The following SLTM variants were observed in gnomAD, a reference collection of about 807,000 sequenced individuals.
SLTM encodes the protein SAFB-like transcription modulator.
A neutral mutation model predicts 134.6 loss-of-function variants in SLTM; 43 were observed. That is an observed-to-expected ratio of 0.32 (90% CI 0.25 to 0.41). The LOEUF (loss-of-function observed/expected upper bound fraction) is 0.41. Ranked by LOEUF, SLTM falls within the 10% of genes least tolerant of loss-of-function variation. SLTM has a pLI of 1.00. For synonymous variants in SLTM, 424 were observed against 432.3 expected, an observed-to-expected ratio of 0.98 and a Z score of 0.24; for missense variants, 1,055 against 1,288.8, an observed-to-expected ratio of 0.82 and a Z score of 2.78.
intron 12 of SLTM, among the ~76,000 whole-genome samples, 177 bp downstream of exon 12, chr15:58,893,644 T>C (rs2034841257): frequency 6.6e-6 from 1 of 152,192 alleles, no homozygotes; most frequent in African/African-American, 2.4e-5. Flanking sequence ...AGAATACATT[T>C]GTTTGTTTCC....
rs147388988 is a variant in SLTM, at chr15:58,921,920, C to T, written c.251-4921G>A. 4.0e-3 allele frequency among the ~76,000 whole-genome samples: 615 copies of T among 152,082 alleles called. 3 individuals carry two copies. The highest frequency in any genetic ancestry group is 0.014 in the South Asian group (69 of 4,810). On this transcript the variant is annotated intron_variant, in intron 2 of 20. Coordinates refer to ENST00000380516, the MANE Select transcript of SLTM (RefSeq NM_024755.4). Reference sequence around the variant, plus strand: ...CCTCACAAGGAGCTGGGATTACAGGCGCATGCCACCACCCCAGCTAATTTT... The same window carrying T: ...CCTCACAAGGAGCTGGGATTACAGGTGCATGCCACCACCCCAGCTAATTTT...
chr15:58,926,942 G>A (rs1299215581), intron 2 of SLTM, among the ~76,000 whole-genome samples: 1 of 152,048 alleles, frequency 6.6e-6, no homozygotes, highest in African/African-American at 2.4e-5. Context: ...GCGATAAAAG[G>A]GCTAATTTTG....
intron 2 of SLTM, among the ~76,000 whole-genome samples, chr15:58,924,914 G>A (rs933776546): frequency 6.6e-6 from 1 of 151,944 alleles, no homozygotes; most frequent in Non-Finnish European, 1.5e-5. Flanking sequence ...CAACCACCTG[G>A]GTCCAAGCAA....
In SLTM at chr15:58,898,840, T is replaced by C. The variant is rs1170817969; in HGVS notation, c.1071A>G (p.Glu357=). 6 of 1,609,710 alleles carry C rather than the reference T, an allele frequency of 3.7e-6. No homozygotes were observed. In the South Asian group the frequency reaches 6.7e-5, roughly 18 times the overall value. ...ASGQAKSSSK[E]SKDSKTSSKD... ...TAGATGATGTCTTGCTGTCTTTAGA[T>C]TCCTTTGAAGAGCTAAAGAGGCAAA... Residue 357 remains glutamate, a synonymous_variant, in exon 8 of 21, where the codon GAA becomes GAG. Coordinates refer to ENST00000380516, the MANE Select transcript of SLTM (RefSeq NM_024755.4).
intron 5 of SLTM, among the ~76,000 whole-genome samples, chr15:58,908,032 T>TGTGTGTGTAC (rs1445615174): frequency 6.6e-6 from 1 of 150,492 alleles, no homozygotes; most frequent in Admixed American, 6.7e-5. Flanking sequence ...TGTGTGTGTG[T>TGTGTGTGTAC]GTGTACATAT....
chr15:58,925,932 C>T (rs758584991), intron 2 of SLTM, among the ~76,000 whole-genome samples: 22 of 152,180 alleles, frequency 1.4e-4, no homozygotes, highest in Non-Finnish European at 2.5e-4. Context: ...AGAAGTTTTC[C>T]GAAAACTGAA....
intron 12 of SLTM, 109 bp downstream of exon 12, chr15:58,893,712 A>C: frequency 1.7e-6 from 2 of 1,193,082 alleles, no homozygotes; most frequent in South Asian, 1.6e-5. Context: ...CCACAATGAC[A>C]CCTAACAACA....
chr15:58,887,439 G>C lies in SLTM; in HGVS notation c.2477C>G (p.Ser826Cys). 6.2e-7 allele frequency: 1 copy of C among 1,613,972 alleles called. No individual in the cohort carries two copies. Among genetic ancestry groups the C allele is most frequent in the Non-Finnish European group, 8.5e-7 (1 of 1,180,002 alleles). ...TGGTGGTGGAGGCTCATTTCTTCTG[G>C]AGTCACTGAAATTTTTGGGATATCT... The part of the protein sequence containing the change: ...FERYPKNFSD[S>C]RRNEPPPPRN... The change falls in exon 18 of 21, where the codon TCC (serine) becomes TGC (cysteine). Residue 826 changes from serine (S) to cysteine (C), a missense_variant. Ser to Cys is a moderately radical substitution (Grantham distance 112, BLOSUM62 -1). This residue lies in a region of SLTM where 776 missense variants were observed against 962.2 expected (regional missense o/e 0.81). Transcript: ENST00000380516.
At chr15:58,902,068 A>C (rs1422717339) in intron 5 of SLTM, among the ~76,000 whole-genome samples, 3 of 152,196 alleles carry the variant, frequency 2.0e-5, no homozygotes, top group African/African-American at 7.2e-5. Context: ...TGCTAGCTTA[A>C]AAACAGAAGA....
Position 58,930,120 on chromosome 15 carries a change from ACTT to A in SLTM, c.250+2233_250+2235del, listed in dbSNP as rs550370404. Among the ~76,000 whole-genome samples, 925 of 150,552 alleles carry A rather than the reference ACTT, an allele frequency of 6.1e-3. 3 individuals are homozygous for A. The highest frequency in any genetic ancestry group is 0.01 in the Admixed American group (155 of 15,072). On this transcript the variant is annotated intron_variant, in intron 2 of 20. Transcript: ENST00000380516. ...TACAAACAAATGATTGAATGTTACA[ACTT>A]CTTTTTTTTTTGAGATGGGGTCTCA...
chr15:58,899,062 C>T lies in SLTM; in HGVS notation c.1059-210G>A, dbSNP rs1268589375. The T allele has an allele frequency of 2.0e-6, 1 of 488,332 alleles. No individual in the cohort carries two copies. The highest frequency in any genetic ancestry group is 3.6e-6 in the Non-Finnish European group (1 of 278,240). The allele number at this position is 488,332 out of a possible 1,614,324, so 30.2% of individuals were successfully genotyped here. ...ATGCCTGAAGATCTAGATTTTCTGA[C>T]AATTCTATTCAGTGGAAATATGGCC... On this transcript the variant is annotated intron_variant, in intron 7 of 20. Transcript: ENST00000380516. The surrounding 1 kb of genome is among the most constrained non-coding windows in gnomAD (Gnocchi z 5.0).
At chr15:58,893,258 C>T (rs1300811392) in intron 13 of SLTM, 21 bp downstream of exon 13, 4 of 1,573,702 alleles carry the variant, frequency 2.5e-6, no homozygotes, top group African/African-American at 2.7e-5. Context: ...TAGTATACAA[C>T]CATCCTGATC....
intron 5 of SLTM, among the ~76,000 whole-genome samples, chr15:58,911,356 A>G (rs2036256152): frequency 6.6e-6 from 1 of 152,198 alleles, no homozygotes; most frequent in South Asian, 2.1e-4. Flanking sequence ...CCCAGAGGAA[A>G]TAACTGACCT....
rs747692159 is a variant in SLTM, at chr15:58,933,596, G to C, written c.-31C>G. On this transcript the variant is annotated 5_prime_UTR_variant, in exon 1 of 21. Coordinates refer to ENST00000380516, the MANE Select transcript of SLTM (RefSeq NM_024755.4). ...AAGAGCAGCGCGCTGCCGAGGCAGCGAGTGGGCTGCAGGGCGGCGGCAGCA... is the reference window on the plus strand; with the variant it reads ...AAGAGCAGCGCGCTGCCGAGGCAGCCAGTGGGCTGCAGGGCGGCGGCAGCA... The C allele has an allele frequency of 1.0e-5, 16 of 1,548,556 alleles. No individual in the cohort carries two copies. Among genetic ancestry groups the C allele is most frequent in the African/African-American group, 8.5e-5 (6 of 70,424 alleles).
intron 6 of SLTM, among the ~76,000 whole-genome samples, 200 bp from the exon 7 acceptor site, chr15:58,900,137 T>G (rs2035366052): frequency 6.7e-6 from 1 of 150,266 alleles, no homozygotes; most frequent in Admixed American, 6.6e-5. Context: ...ATGGAAAAAA[T>G]GATCTCTACA....
At chr15:58,930,769 A>G (rs2037823153) in intron 2 of SLTM, among the ~76,000 whole-genome samples, 2 of 148,692 alleles carry the variant, frequency 1.3e-5, no homozygotes. Context: ...TATATATCAT[A>G]TATATAGATA....
At chr15:58,916,411 T>C (rs993128314) in intron 3 of SLTM, among the ~76,000 whole-genome samples, 18 of 152,190 alleles carry the variant, frequency 1.2e-4, no homozygotes, top group Non-Finnish European at 2.5e-4. Flanking sequence ...TGACCTCAAG[T>C]GATCCGCCCG....
chr15:58,920,933 C>T (rs2036998670), intron 2 of SLTM, among the ~76,000 whole-genome samples: 1 of 151,860 alleles, frequency 6.6e-6, no homozygotes, highest in South Asian at 2.1e-4. Context: ...CTAGCCTTGG[C>T]AACACAGTGA....
At position 58,890,384 on chromosome 15, in the gene SLTM, C is replaced by T. The variant is rs144086273; in HGVS notation, c.1976G>A (p.Arg659His). The change falls in exon 15 of 21, where the codon CGC becomes CAC. Residue 659 changes from arginine to histidine, a missense_variant. Physicochemically the swap from Arg to His is conservative, Grantham distance 29. Transcript: ENST00000380516. Reference sequence around the variant, plus strand: ...TAGGCGCTCTCTCTCTCTCTGTAAGCGTTCCCGTTCTTCCCGTTCACGAAT... The same window carrying T: ...TAGGCGCTCTCTCTCTCTCTGTAAGTGTTCCCGTTCTTCCCGTTCACGAAT... ...RIIREREERE[R>H]LQRERERLEI... 6.8e-6 allele frequency: 11 copies of T among 1,614,032 alleles called. No individual in the cohort carries two copies. The highest frequency in any genetic ancestry group is 1.3e-5 in the African/African-American group (1 of 75,020).
Sources: allele counts gnomAD v4.1 joint callset (sites outside exome capture counted in the v4.1 genomes callset), GRCh38; gene constraint gnomAD v4.1.1; regional missense constraint gnomAD v4.1.1; non-coding constraint Gnocchi (gnomAD v3.1); transcripts MANE v1.5; gene names NCBI Gene and HGNC (gene_info 2026-07-23, HGNC 2026-07-21).